EXOG: variants seen among roughly 807,000 people sequenced by gnomAD.
EXOG encodes the protein nuclease EXOG, mitochondrial.
In EXOG, 27 loss-of-function variants were observed where a neutral mutation model predicts 25.8. The ratio of observed to expected loss-of-function variants is 1.05; its 90% CI spans 0.77 to 1.45. The LOEUF (loss-of-function observed/expected upper bound fraction) is 1.45, where lower values mean the gene tolerates loss of function less well. Among genes scored for constraint, EXOG ranks in the 40% most tolerant of loss-of-function variants. EXOG has a pLI of 0.00. For missense variants in EXOG, 458 were observed against 450.5 expected (o/e 1.02, Z -0.15); for synonymous variants, 133 against 167.0 (o/e 0.80, Z 1.57).
chr3:38,510,323 GA>G (rs1310189795), intron 5 of EXOG, among the ~76,000 whole-genome samples: 1 of 152,112 alleles, frequency 6.6e-6, no homozygotes, highest in Admixed American at 6.5e-5. Context: ...TCCTAGACCA[GA>G]AAAAAGTTGC....
In EXOG at chr3:38,521,241, GAGA is replaced by G. The variant is rs2060707027; in HGVS notation, c.646-2657_646-2655del. ...GTATTTTACCCCCTTGAAATAGTGT[GAGA>G]AGGTCATGGGTAGAAGGATCACACC... On this transcript the variant is annotated intron_variant, in intron 5 of 5. Coordinates refer to ENST00000287675, the MANE Select transcript of EXOG (RefSeq NM_005107.4). 5.9e-5 allele frequency among the ~76,000 whole-genome samples: 9 copies of G among 152,340 alleles called. No individual in the cohort carries two copies. The South Asian group carries it at 1.9e-3, about 32-fold the overall frequency.
At chr3:38,515,964 A>AT (rs1307369957) in intron 5 of EXOG, 1 of 152,154 alleles carries the variant, frequency 6.6e-6, no homozygotes, top group East Asian at 1.9e-4. Context: ...ACACACTTTG[A>AT]TTTTGATACC....
intron 5 of EXOG, among the ~76,000 whole-genome samples, chr3:38,518,628 C>CCCAATAAAA (rs1377005691): frequency 1.3e-5 from 2 of 152,136 alleles, no homozygotes. Context: ...GGAAGTTGTA[C>CCCAATAAAA]CCAATAAAAG....
rs199919669 is a variant in EXOG, at chr3:38,496,354, G to C, written c.-14G>C. ...GCGCATGCGCCGTGGTAAAAGGCCG[G>C]TACCTCGGGCAAGATGGCTATCAAG... On this transcript the variant is annotated 5_prime_UTR_variant, in exon 1 of 6. Coordinates refer to ENST00000287675, the MANE Select transcript of EXOG (RefSeq NM_005107.4). The C allele has an allele frequency of 1.9e-6, 3 of 1,610,392 alleles. No individual in the cohort carries two copies. Among genetic ancestry groups the C allele is most frequent in the African/African-American group, 2.7e-5 (2 of 74,944 alleles).
At chr3:38,516,685 A>G (rs1441405327) in intron 5 of EXOG, among the ~76,000 whole-genome samples, 1 of 151,320 alleles carries the variant, frequency 6.6e-6, no homozygotes, top group Non-Finnish European at 1.5e-5. Flanking sequence ...TATCCTTTAT[A>G]CTGTTTTTTT....
At chr3:38,513,863 T>C (rs1286398611) in intron 5 of EXOG, 2 of 152,206 alleles carry the variant, frequency 1.3e-5, no homozygotes, top group African/African-American at 4.8e-5. Flanking sequence ...GTGGAGGAGA[T>C]ACCTAGTAAG....
At chr3:38,505,769 A>C (rs745436593) in intron 4 of EXOG, among the ~76,000 whole-genome samples, 9 of 152,064 alleles carry the variant, frequency 5.9e-5, no homozygotes, top group Non-Finnish European at 1.2e-4. Context: ...AGTCTGGGCA[A>C]CGTGGCAAAA....
intron 5 of EXOG, among the ~76,000 whole-genome samples, chr3:38,509,612 T>A (rs1023629981): frequency 9.2e-5 from 14 of 152,158 alleles, no homozygotes; most frequent in Admixed American, 2.6e-4. Flanking sequence ...TAAGGGGTGG[T>A]ACAGGGAGAG....
intron 5 of EXOG, among the ~76,000 whole-genome samples, chr3:38,508,271 AAGAG>A (rs529726531): frequency 5.3e-5 from 8 of 152,172 alleles, no homozygotes; most frequent in Non-Finnish European, 1.2e-4. Context: ...TATAGACTGA[AAGAG>A]AGATTAAAGA....
At chr3:38,507,013 A>G (rs762965992) in intron 5 of EXOG, 45 bp downstream of exon 5, 18 of 820,238 alleles carry the variant, frequency 2.2e-5, no homozygotes, top group African/African-American at 3.5e-5. Context: ...GTATGAGATT[A>G]TAATCTCACT....
At chr3:38,508,041 G>T (rs2060254554) in intron 5 of EXOG, among the ~76,000 whole-genome samples, 1 of 152,150 alleles carries the variant, frequency 6.6e-6, no homozygotes, top group Admixed American at 6.5e-5. Context: ...TGAGGCAGAA[G>T]AATCGCTTGA....
Position 38,501,343 on chromosome 3 carries a change from G to A in EXOG, c.314-12G>A, listed in dbSNP as rs371259940. The A allele has an allele frequency of 1.2e-6, 2 of 1,612,310 alleles. No homozygotes were observed. The highest frequency in any genetic ancestry group is 1.7e-6 in the Non-Finnish European group (2 of 1,178,594). On this transcript the variant is annotated splice_polypyrimidine_tract_variant and intron_variant, in intron 2 of 5. Transcript: ENST00000287675. ...TACTGATAACATATCCATTTTGTGTGTTTTTCTTCAGGTGATGCAGACAGA... is the reference window on the plus strand; with the variant it reads ...TACTGATAACATATCCATTTTGTGTATTTTTCTTCAGGTGATGCAGACAGA...
intron 5 of EXOG, among the ~76,000 whole-genome samples, chr3:38,509,192 T>C (rs2125774010): frequency 6.6e-6 from 1 of 152,336 alleles, no homozygotes; most frequent in South Asian, 2.1e-4. Flanking sequence ...CTCTTCTAGC[T>C]TTGACTTGTA....
chr3:38,510,467 T>C (rs2060334290), intron 5 of EXOG, among the ~76,000 whole-genome samples: 1 of 152,102 alleles, frequency 6.6e-6, no homozygotes. Context: ...AGTAAATATC[T>C]TTGCTCTTAG....
Position 38,525,341 on chromosome 3 carries a change from T to A in EXOG, c.*979T>A. On this transcript the variant is annotated 3_prime_UTR_variant, in exon 6 of 6. Coordinates refer to ENST00000287675, the MANE Select transcript of EXOG (RefSeq NM_005107.4). ...TCTTTTCTGACATGGATGGTGGCTT[T>A]TTACTCAGAAATATATACCTATTTC... 1 of 985,310 alleles carries A rather than the reference T, an allele frequency of 1.0e-6. No individual in the cohort carries two copies. Among genetic ancestry groups the A allele is most frequent in the Non-Finnish European group, 1.2e-6 (1 of 829,820 alleles). The allele number at this position is 985,310 out of a possible 1,614,324, so 61.0% of individuals were successfully genotyped here.
chr3:38,519,806 T>C (rs2060652602), intron 5 of EXOG, among the ~76,000 whole-genome samples: 1 of 152,220 alleles, frequency 6.6e-6, no homozygotes, highest in African/African-American at 2.4e-5. Flanking sequence ...CAAAAGCATC[T>C]GCTGAGGCTC....
rs2060851300 is a variant in EXOG, at chr3:38,525,654, G to A, written c.*1292G>A. ...TCTTAAGATTAAGAAACCTATGAAG[G>A]ATCTGCAGCCAGGCATGGTGGCTCA... On this transcript the variant is annotated 3_prime_UTR_variant, in exon 6 of 6. Coordinates refer to ENST00000287675, the MANE Select transcript of EXOG (RefSeq NM_005107.4). 1.0e-6 allele frequency: 1 copy of A among 984,632 alleles called. No homozygotes were observed. Among genetic ancestry groups the A allele is most frequent in the Non-Finnish European group, 1.2e-6 (1 of 829,364 alleles). 61.0% of individuals were successfully genotyped at this position (984,632 alleles called of 1,614,324 possible).
Position 38,499,600 on chromosome 3 carries a change from G to GA in EXOG, c.314-1751dup, listed in dbSNP as rs1281218269. On this transcript the variant is annotated intron_variant, in intron 2 of 5. Transcript: ENST00000287675. Reference sequence around the variant, plus strand: ...CAGATAGAATCTTCCTGCTGAAACAGAAAATGTTAGTATATAAAAAGTGTA... The same window carrying GA: ...CAGATAGAATCTTCCTGCTGAAACAGAAAAATGTTAGTATATAAAAAGTGTA... 11 of 448,120 alleles carry GA rather than the reference G, an allele frequency of 2.5e-5. No individual in the cohort carries two copies. The East Asian group carries it at 4.2e-4, about 17-fold the overall frequency. 27.8% of individuals were successfully genotyped at this position (448,120 alleles called of 1,614,324 possible).
intron 2 of EXOG, 49 bp downstream of exon 2, chr3:38,497,827 T>A: frequency 1.3e-6 from 2 of 1,554,356 alleles, no homozygotes; most frequent in Non-Finnish European, 1.7e-6. Flanking sequence ...ATGAAAGATG[T>A]CTCCAAATTT....
Sources: allele counts gnomAD v4.1 joint callset (sites outside exome capture counted in the v4.1 genomes callset), GRCh38; gene constraint gnomAD v4.1.1; transcripts MANE v1.5; gene names NCBI Gene and HGNC (gene_info 2026-07-23, HGNC 2026-07-21).